The following DNM3 variants were observed in gnomAD, a reference collection of about 807,000 sequenced individuals.
The protein encoded by DNM3 is dynamin-3.
A neutral mutation model predicts 101.6 loss-of-function variants in DNM3; 47 were observed. The observed-to-expected ratio is 0.46, with a 90% CI of 0.37 to 0.59. DNM3 has a LOEUF of 0.59. DNM3 is among the 20% of genes least tolerant of loss of function. The pLI is 0.00. For synonymous variants in DNM3, 385 were observed against 387.9 expected (o/e 0.99, Z 0.09); for missense variants, 849 against 1,085.7 (o/e 0.78, Z 3.06).
chr1:172,273,921 G>A (rs768076765), intron 15 of DNM3, among the ~76,000 whole-genome samples: 2 of 152,054 alleles, frequency 1.3e-5, no homozygotes, highest in African/African-American at 2.4e-5. Flanking sequence ...TAATGATTCA[G>A]TGGTGTCACA....
chr1:172,079,352 C>T (rs2052946297), intron 11 of DNM3, among the ~76,000 whole-genome samples: 1 of 152,070 alleles, frequency 6.6e-6, no homozygotes, highest in Admixed American at 6.6e-5. Flanking sequence ...TGTCTCTACA[C>T]TTTACTACAT....
At chr1:172,024,067 A>C (rs983111658) in intron 4 of DNM3, among the ~76,000 whole-genome samples, 1 of 151,986 alleles carries the variant, frequency 6.6e-6, no homozygotes, top group Non-Finnish European at 1.5e-5. Flanking sequence ...AAAATGATCA[A>C]GTTGTATTCT....
intron 14 of DNM3, among the ~76,000 whole-genome samples, chr1:172,239,080 C>G (rs1302766289): frequency 6.6e-6 from 1 of 152,064 alleles, no homozygotes; most frequent in African/African-American, 2.4e-5. Flanking sequence ...CATCTTCCCT[C>G]TCTCTATATG....
At chr1:172,153,058 T>C (rs2058197973) in intron 14 of DNM3, among the ~76,000 whole-genome samples, 1 of 152,158 alleles carries the variant, frequency 6.6e-6, no homozygotes, top group South Asian at 2.1e-4. Flanking sequence ...AAATTCTACT[T>C]CTTTGAAGTT....
chr1:172,210,660 A>C (rs903683497), intron 14 of DNM3, among the ~76,000 whole-genome samples: 2 of 152,148 alleles, frequency 1.3e-5, no homozygotes, highest in Admixed American at 6.6e-5. Context: ...AAACACTAAG[A>C]AAACCTTTTC....
chr1:171,968,380 A>G (rs2043742574), intron 2 of DNM3, among the ~76,000 whole-genome samples: 1 of 152,228 alleles, frequency 6.6e-6, no homozygotes, highest in Non-Finnish European at 1.5e-5. Flanking sequence ...TTTACAAAAT[A>G]GAATGAGTGT....
chr1:172,266,202 A>G (rs1030008087), intron 15 of DNM3, among the ~76,000 whole-genome samples: 1 of 152,180 alleles, frequency 6.6e-6, no homozygotes, highest in Non-Finnish European at 1.5e-5. Flanking sequence ...TTGTTCATTT[A>G]TATACCTCTA....
chr1:172,156,732 C>T (rs12564349), intron 14 of DNM3, among the ~76,000 whole-genome samples: 10,214 of 151,898 alleles, frequency 0.067, 828 homozygotes, highest in African/African-American at 0.18. Flanking sequence ...TTTCAGTAAT[C>T]GCTCATTTTT....
At chr1:171,944,974 C>G (rs1016276945) in intron 2 of DNM3, among the ~76,000 whole-genome samples, 1 of 149,932 alleles carries the variant, frequency 6.7e-6, no homozygotes, top group Admixed American at 6.7e-5. Flanking sequence ...GGTGATCCTC[C>G]TGCTTCAGCC....
chr1:172,290,124 C>T (rs1316442596), intron 15 of DNM3: 1 of 432,660 alleles, frequency 2.3e-6, no homozygotes, highest in African/African-American at 2.2e-5. Context: ...TTAATGAGCA[C>T]CTACTATATA....
intron 10 of DNM3, among the ~76,000 whole-genome samples, chr1:172,057,581 A>T (rs1352014425): frequency 6.6e-6 from 1 of 152,216 alleles, no homozygotes; most frequent in East Asian, 1.9e-4. Flanking sequence ...AGAATTTCAT[A>T]TCCAGCCAAA....
intron 20 of DNM3, among the ~76,000 whole-genome samples, chr1:172,396,952 A>G (rs1464347985): frequency 6.6e-6 from 1 of 152,190 alleles, no homozygotes; most frequent in Admixed American, 6.5e-5. Context: ...TTTATGTAAG[A>G]TACATTCTGT....
At chr1:172,034,955 C>A (rs1460934934) in intron 6 of DNM3, among the ~76,000 whole-genome samples, 1 of 151,802 alleles carries the variant, frequency 6.6e-6, no homozygotes, top group African/African-American at 2.4e-5. Flanking sequence ...AGTAGAGGAA[C>A]AACAAGATCA....
chr1:172,255,586 CTG>C (rs994841035), intron 15 of DNM3, among the ~76,000 whole-genome samples: 1 of 152,136 alleles, frequency 6.6e-6, no homozygotes, highest in African/African-American at 2.4e-5. Flanking sequence ...AATAAGGAAA[CTG>C]TGGACTTTGA....
At chr1:172,101,383 A>G (rs1470771907) in intron 13 of DNM3, among the ~76,000 whole-genome samples, 2 of 152,214 alleles carry the variant, frequency 1.3e-5, no homozygotes, top group Non-Finnish European at 2.9e-5. Flanking sequence ...GAGAAGCAAC[A>G]TAGTGCCTTG....
At chr1:172,265,269 G>T (rs1039094153) in intron 15 of DNM3, among the ~76,000 whole-genome samples, 4 of 151,558 alleles carry the variant, frequency 2.6e-5, no homozygotes, top group South Asian at 2.1e-4. Flanking sequence ...AAAAGGCTTC[G>T]GTGTCCTGGT....
At chr1:172,164,613 G>A (rs560237121) in intron 14 of DNM3, among the ~76,000 whole-genome samples, 52 of 151,966 alleles carry the variant, frequency 3.4e-4, no homozygotes, top group Admixed American at 7.2e-4. Context: ...AAGTTTTTGC[G>A]TCTTATCATA....
chr1:171,859,846 A>T (rs555640707), intron 1 of DNM3, among the ~76,000 whole-genome samples: 1 of 152,280 alleles, frequency 6.6e-6, no homozygotes, highest in South Asian at 2.1e-4. Context: ...ATCAGTCATA[A>T]GAAGAGCCAG....
Position 172,296,047 on chromosome 1 carries a change from T to C in DNM3, c.1770-12681T>C, listed in dbSNP as rs894819897. On this transcript the variant is annotated intron_variant, in intron 15 of 20. Coordinates refer to ENST00000627582, the MANE Select transcript of DNM3 (RefSeq NM_015569.5). The stretch of plus-strand genomic sequence containing the variant: ...TTAGCAAGCAACCATTGATGGAGAA[T>C]CACTTTTAAGTTATAAAATTAGCAA... 3.3e-5 allele frequency among the ~76,000 whole-genome samples: 5 copies of C among 152,196 alleles called. No individual in the cohort carries two copies. In the East Asian group the frequency reaches 5.8e-4, roughly 18 times the overall value.
Sources: gnomAD v4.1 joint callset for allele counts (sites outside exome capture counted in the v4.1 genomes callset) on GRCh38, gnomAD v4.1.1 for gene constraint, MANE v1.5 for transcripts, NCBI Gene and HGNC (gene_info 2026-07-23, HGNC 2026-07-21) for gene names.